Variants in C2orf76 observed in about 807,000 individuals in gnomAD.
C2orf76 encodes chromosome 2 open reading frame 76, also known as UPF0538 protein C2orf76.
Under a neutral mutation model 16.9 loss-of-function variants are expected in C2orf76, and 23 were observed. The ratio of observed to expected loss-of-function variants is 1.36; its 90% CI spans 0.98 to 1.93. C2orf76 has a LOEUF of 1.93. Ranked by LOEUF, C2orf76 falls within the 30% of genes most tolerant of loss-of-function variation. C2orf76 has a pLI of 0.00. For missense variants in C2orf76, 152 were observed against 152.6 expected, an observed-to-expected ratio of 1.00 and a Z score of 0.02; for synonymous variants, 48 against 52.3, an observed-to-expected ratio of 0.92 and a Z score of 0.35.
chr2:119,357,286 G>C (rs1445838542), intron 1 of C2orf76, among the ~76,000 whole-genome samples: 1 of 152,046 alleles, frequency 6.6e-6, no homozygotes, highest in East Asian at 1.9e-4. Flanking sequence ...TATCCCTTAT[G>C]AATATAGACA....
chr2:119,286,718 G>T, the C2orf76 span, among the ~76,000 whole-genome samples: 2 of 152,192 alleles, frequency 1.3e-5, no homozygotes, highest in African/African-American at 4.8e-5. Flanking sequence ...CGGCATGAAG[G>T]CTGGACTCGG....
chr2:119,357,558 A>T (rs956412900), intron 1 of C2orf76, among the ~76,000 whole-genome samples: 1 of 151,826 alleles, frequency 6.6e-6, no homozygotes, highest in African/African-American at 2.4e-5. Context: ...AAAGAGGGGA[A>T]CATCTCAATT....
chr2:119,314,181 CTTCA>C (rs1368179279), intron 4 of C2orf76, among the ~76,000 whole-genome samples: 1 of 151,968 alleles, frequency 6.6e-6, no homozygotes, highest in Non-Finnish European at 1.5e-5. Context: ...TCCCTGTTCT[CTTCA>C]AATATTTTTA....
intron 4 of C2orf76, among the ~76,000 whole-genome samples, chr2:119,312,433 A>G (rs542920942): frequency 4.6e-5 from 7 of 152,142 alleles, no homozygotes; most frequent in African/African-American, 1.7e-4. Context: ...TATTTTTAGT[A>G]GAGACGGGGT....
chr2:119,294,247 G>A, the C2orf76 span, among the ~76,000 whole-genome samples: 2 of 152,178 alleles, frequency 1.3e-5, no homozygotes, highest in South Asian at 2.1e-4. Context: ...CTGCTGAGAG[G>A]TGAAGCAATT....
intron 5 of C2orf76, among the ~76,000 whole-genome samples, chr2:119,306,321 C>T (rs1239736277): frequency 1.3e-5 from 2 of 152,162 alleles, no homozygotes; most frequent in African/African-American, 4.8e-5. Flanking sequence ...CAGACAAGAT[C>T]ACCCAAAGGG....
the C2orf76 span, among the ~76,000 whole-genome samples, chr2:119,285,028 T>C: frequency 9.2e-5 from 14 of 152,316 alleles, no homozygotes; most frequent in Admixed American, 5.2e-4. Flanking sequence ...GAGGAGGTCA[T>C]CTACCAAAAA....
At chr2:119,307,392 T>C (rs1274307508) in intron 5 of C2orf76, among the ~76,000 whole-genome samples, 1 of 151,072 alleles carries the variant, frequency 6.6e-6, no homozygotes, top group African/African-American at 2.4e-5. Flanking sequence ...TGAGCCGAGA[T>C]CGTGCCACTG....
Position 119,366,834 on chromosome 2 carries a change from C to T in C2orf76, c.-57G>A. 3 of 608,306 alleles carry T rather than the reference C, an allele frequency of 4.9e-6. No individual in the cohort carries two copies. Among genetic ancestry groups the T allele is most frequent in the South Asian group, 2.1e-5 (1 of 48,266 alleles). The allele number at this position is 608,306 out of a possible 1,614,324, so 37.7% of individuals were successfully genotyped here. On this transcript the variant is annotated 5_prime_UTR_variant, in exon 1 of 6. Transcript: ENST00000334816. ...CGGCTACTCCCGGCGTTTGCGCAAG[C>T]GGTCCCACGTGGGCTCGGGCGGGGC...
intron 2 of C2orf76, among the ~76,000 whole-genome samples, chr2:119,327,206 G>C (rs917354107): frequency 1.3e-5 from 2 of 152,112 alleles, no homozygotes; most frequent in African/African-American, 4.8e-5. Context: ...CTCTTCATCA[G>C]GTAGAGGAAG....
At chr2:119,301,076 A>AAC (rs57577702), downstream of C2orf76, among the ~76,000 whole-genome samples, 2,293 of 146,202 alleles carry the variant, frequency 0.016, 27 homozygotes, top group Admixed American at 0.023. Context: ...ACTTCTTAAA[A>AAC]ACACACACAC....
At chr2:119,291,637 G>C in the C2orf76 span, among the ~76,000 whole-genome samples, 1 of 152,136 alleles carries the variant, frequency 6.6e-6, no homozygotes, top group Admixed American at 6.6e-5. Flanking sequence ...ACACTGCTGG[G>C]TGGTGTGGTT....
chr2:119,323,418 C>G (rs1198777340), intron 2 of C2orf76, among the ~76,000 whole-genome samples: 2 of 152,154 alleles, frequency 1.3e-5, no homozygotes, highest in Non-Finnish European at 2.9e-5. Context: ...AAAGCACCTA[C>G]TACCAGGTAT....
At chr2:119,337,016 T>C (rs1225360199) in intron 2 of C2orf76, among the ~76,000 whole-genome samples, 1 of 152,126 alleles carries the variant, frequency 6.6e-6, no homozygotes, top group Non-Finnish European at 1.5e-5. Flanking sequence ...TTGCCTTTTA[T>C]TACCCATGCA....
chr2:119,344,808 T>G (rs980081948), intron 1 of C2orf76, among the ~76,000 whole-genome samples: 4 of 152,154 alleles, frequency 2.6e-5, no homozygotes, highest in Non-Finnish European at 5.9e-5. Flanking sequence ...TAAAATCGGA[T>G]ACTGGAGCAG....
chr2:119,339,356 C>T (rs2104602578), intron 2 of C2orf76, among the ~76,000 whole-genome samples: 1 of 152,238 alleles, frequency 6.6e-6, no homozygotes, highest in East Asian at 1.9e-4. Flanking sequence ...AAACAATCAA[C>T]TAGCACCGCC....
chr2:119,334,101 G>A (rs551744090), intron 2 of C2orf76, among the ~76,000 whole-genome samples: 1 of 152,046 alleles, frequency 6.6e-6, no homozygotes, highest in African/African-American at 2.4e-5. Context: ...CCCCTTCAAT[G>A]TATATTTCTA....
chr2:119,337,055 AT>A (rs773781304), intron 2 of C2orf76, among the ~76,000 whole-genome samples: 1,229 of 101,742 alleles, frequency 0.012, 17 homozygotes, highest in African/African-American at 0.041. Flanking sequence ...TTATTTATTT[AT>A]TTATTTATTT....
chr2:119,362,528 T>C (rs890631587), intron 1 of C2orf76, among the ~76,000 whole-genome samples: 5 of 152,252 alleles, frequency 3.3e-5, no homozygotes, highest in Admixed American at 6.5e-5. Flanking sequence ...GAAGACAATG[T>C]AGATTTAGAA....
Sources: gnomAD v4.1 joint callset for allele counts (sites outside exome capture counted in the v4.1 genomes callset) on GRCh38, gnomAD v4.1.1 for gene constraint, MANE v1.5 for transcripts, NCBI Gene and HGNC (gene_info 2026-07-23, HGNC 2026-07-21) for gene names.